EFCAB6: variants seen among roughly 807,000 people sequenced by gnomAD.
The protein encoded by EFCAB6 is EF-hand calcium binding domain 6.
EFCAB6 carries 156 observed loss-of-function variants against 169.8 expected under a neutral mutation model. That is an observed-to-expected ratio of 0.92 (90% CI 0.81 to 1.05). The LOEUF is 1.05. Among genes scored for constraint, EFCAB6 ranks in the 50% least tolerant of loss-of-function variants. The probability of loss-of-function intolerance (pLI) is 0.00; values close to 1 mark genes in which losing one functional copy is unlikely to be tolerated. For missense variants in EFCAB6, 1,800 were observed against 1,829.1 expected (o/e 0.98, Z 0.29); for synonymous variants, 698 against 676.4 (o/e 1.03, Z -0.50).
chr22:43,796,683 G>A (rs934744066), intron 2 of EFCAB6, among the ~76,000 whole-genome samples: 3 of 152,092 alleles, frequency 2.0e-5, no homozygotes, highest in Admixed American at 1.3e-4. Context: ...AGACAATTAC[G>A]CTCTCTCCCA....
At chr22:43,792,135 G>A (rs1298042293) in intron 2 of EFCAB6, among the ~76,000 whole-genome samples, 3 of 152,190 alleles carry the variant, frequency 2.0e-5, no homozygotes, top group Non-Finnish European at 1.5e-5. Context: ...AGCAGCGAGT[G>A]AGGCTGGAAG....
chr22:43,677,266 A>AT (rs2057799195), intron 13 of EFCAB6, among the ~76,000 whole-genome samples: 1 of 152,192 alleles, frequency 6.6e-6, no homozygotes, highest in Non-Finnish European at 1.5e-5. Context: ...ATAAGCAGTT[A>AT]TTTTTTTAAA....
intron 23 of EFCAB6, among the ~76,000 whole-genome samples, chr22:43,596,721 G>A (rs1181234280): frequency 6.6e-6 from 1 of 152,028 alleles, no homozygotes; most frequent in East Asian, 1.9e-4. Flanking sequence ...AATACCAAAT[G>A]ACATTCTTCA....
At chr22:43,687,901 A>G (rs2058263488) in intron 10 of EFCAB6, among the ~76,000 whole-genome samples, 1 of 152,222 alleles carries the variant, frequency 6.6e-6, no homozygotes, top group Non-Finnish European at 1.5e-5. Flanking sequence ...AAGAGCCTCT[A>G]TGTTGTGGCA....
intron 27 of EFCAB6, among the ~76,000 whole-genome samples, chr22:43,547,830 G>A (rs186871161): frequency 2.6e-3 from 390 of 152,244 alleles, no homozygotes; most frequent in Non-Finnish European, 4.3e-3. Flanking sequence ...GGTGGCTCAC[G>A]CCTGTAATCC....
At chr22:43,667,704 T>G (rs1603090828) in intron 16 of EFCAB6, among the ~76,000 whole-genome samples, 1 of 152,086 alleles carries the variant, frequency 6.6e-6, no homozygotes, top group Non-Finnish European at 1.5e-5. Flanking sequence ...TGTTTTGTGG[T>G]AACTAGATCA....
intron 8 of EFCAB6, among the ~76,000 whole-genome samples, chr22:43,726,459 C>T (rs2059743188): frequency 6.6e-6 from 1 of 152,164 alleles, no homozygotes; most frequent in African/African-American, 2.4e-5. Flanking sequence ...TGGGGAGCAA[C>T]TGAAAGCAGA....
chr22:43,647,493 C>T (rs896864656), intron 17 of EFCAB6, among the ~76,000 whole-genome samples: 12 of 152,184 alleles, frequency 7.9e-5, no homozygotes, highest in African/African-American at 2.9e-4. Flanking sequence ...AAGTCCCAGC[C>T]CTCAGGTGCC....
At chr22:43,595,219 C>A (rs1307302941) in intron 23 of EFCAB6, among the ~76,000 whole-genome samples, 1 of 150,436 alleles carries the variant, frequency 6.6e-6, no homozygotes, top group Non-Finnish European at 1.5e-5. Flanking sequence ...CCTCAAGAAA[C>A]TAGAAGAGCA....
intron 10 of EFCAB6, 58 bp downstream of exon 10, chr22:43,711,416 CT>C: frequency 6.8e-7 from 1 of 1,476,664 alleles, no homozygotes; most frequent in African/African-American, 1.4e-5. Context: ...GAAGCTGTGC[CT>C]TATTCTTACG....
chr22:43,600,999 G>T (rs1297383949), intron 22 of EFCAB6, among the ~76,000 whole-genome samples: 1 of 152,174 alleles, frequency 6.6e-6, no homozygotes, highest in Non-Finnish European at 1.5e-5. Context: ...ACTTACCTGT[G>T]AAAGGAATTA....
At chr22:43,757,488 G>A (rs573547399) in intron 5 of EFCAB6, among the ~76,000 whole-genome samples, 8 of 152,076 alleles carry the variant, frequency 5.3e-5, no homozygotes, top group East Asian at 1.9e-4. Flanking sequence ...CAGAGGTTGC[G>A]GTGAGCCGAG....
rs1556410503 is a variant in EFCAB6, at chr22:43,784,639, G to GTGTATGTA, written c.-7-2315_-7-2314insTACATACA. On this transcript the variant is annotated intron_variant, in intron 2 of 31. Coordinates refer to ENST00000262726, the MANE Select transcript of EFCAB6 (RefSeq NM_022785.4). ...TATATATACACATATATATGTATAT[G>GTGTATGTA]TACACATATATATGTGTATATATAC... Among the ~76,000 whole-genome samples the GTGTATGTA allele has an allele frequency of 7.7e-4, 25 of 32,674 alleles. 1 individual carries two copies. The East Asian group carries it at 9.1e-3, about 12-fold the overall frequency. The allele number at this position is 32,674 out of a possible 152,430, so 21.4% of individuals were successfully genotyped here.
At chr22:43,686,165 A>T (rs1569386410) in intron 11 of EFCAB6, among the ~76,000 whole-genome samples, 1 of 152,130 alleles carries the variant, frequency 6.6e-6, no homozygotes, top group Non-Finnish European at 1.5e-5. Flanking sequence ...ATTTTAGTAG[A>T]GATGGGGTTT....
chr22:43,763,494 T>C (rs1041827860), intron 5 of EFCAB6, among the ~76,000 whole-genome samples: 11 of 152,310 alleles, frequency 7.2e-5, no homozygotes, highest in African/African-American at 2.6e-4. Flanking sequence ...TGTACATAAA[T>C]TCCCTATCTC....
chr22:43,776,227 C>T (rs1394594563), intron 3 of EFCAB6, among the ~76,000 whole-genome samples: 2 of 152,080 alleles, frequency 1.3e-5, no homozygotes, highest in African/African-American at 4.8e-5. Flanking sequence ...GGGAAACAGG[C>T]CCAATGGGAA....
At chr22:43,689,615 A>G (rs1455994600) in intron 10 of EFCAB6, among the ~76,000 whole-genome samples, 3 of 152,176 alleles carry the variant, frequency 2.0e-5, no homozygotes, top group Non-Finnish European at 4.4e-5. Flanking sequence ...CTTCAAGCTC[A>G]TGGCAGTGCC....
intron 10 of EFCAB6, among the ~76,000 whole-genome samples, chr22:43,710,925 A>C (rs2059139068): frequency 1.3e-5 from 2 of 152,230 alleles, no homozygotes. Flanking sequence ...ATTGTAAGAA[A>C]GCCCCCATAA....
At chr22:43,784,563 A>G (rs575097734) in intron 2 of EFCAB6, among the ~76,000 whole-genome samples, 9 of 78,406 alleles carry the variant, frequency 1.1e-4, no homozygotes, top group African/African-American at 4.5e-4. Flanking sequence ...ATATACACAT[A>G]TATATGTGTA....
Sources: gnomAD v4.1 joint callset for allele counts (sites outside exome capture counted in the v4.1 genomes callset) on GRCh38, gnomAD v4.1.1 for gene constraint, MANE v1.5 for transcripts, NCBI Gene and HGNC (gene_info 2026-07-23, HGNC 2026-07-21) for gene names.